The following RALGPS1 variants were observed in gnomAD, a reference collection of about 807,000 sequenced individuals.
RALGPS1 encodes ras-specific guanine nucleotide-releasing factor RalGPS1.
Under a neutral mutation model 78.8 loss-of-function variants are expected in RALGPS1, and 19 were observed. The ratio of observed to expected loss-of-function variants is 0.24; its 90% confidence interval spans 0.17 to 0.35. The LOEUF (loss-of-function observed/expected upper bound fraction) is 0.35, where lower values mean the gene tolerates loss of function less well. Among genes scored for constraint, RALGPS1 ranks in the 10% least tolerant of loss-of-function variants. The probability of loss-of-function intolerance (pLI) is 1.00; values close to 1 mark genes in which losing one functional copy is unlikely to be tolerated. For missense variants in RALGPS1, 454 were observed against 688.3 expected (o/e 0.66, Z 3.81); for synonymous variants, 228 against 256.3 (o/e 0.89, Z 1.06).
rs1055678093 is a variant in RALGPS1 at position 127,218,992 on chromosome 9, G to A, written c.*223G>A. On this transcript the variant is annotated 3_prime_UTR_variant, in exon 19 of 19. Transcript: ENST00000259351. This position sits in a 1 kb window ranked among gnomAD's most constrained non-coding sequence, Gnocchi z 4.4. ...CTCATGACACTCATTCTGCAGCACC[G>A]CCTCTTGGGGCAGTGGTCAGACCCC... The A allele has an allele frequency of 3.8e-5, 22 of 585,544 alleles. No homozygotes were observed. Among genetic ancestry groups the A allele is most frequent in the Admixed American group, 3.5e-4 (12 of 33,824 alleles). 36.3% of individuals were successfully genotyped at this position (585,544 alleles called of 1,614,324 possible). A position where few individuals can be genotyped will look rare whatever the true frequency, so the allele number is the denominator to read the frequency against.
chr9:127,204,681 C>T (rs1404488420), intron 14 of RALGPS1, among the ~76,000 whole-genome samples: 2 of 152,210 alleles, frequency 1.3e-5, no homozygotes, highest in Admixed American at 6.5e-5. Flanking sequence ...TGCTGTAGGG[C>T]GTTCAGGGAG....
chr9:127,215,848 C>A (rs537856046), intron 18 of RALGPS1, among the ~76,000 whole-genome samples: 1 of 152,356 alleles, frequency 6.6e-6, no homozygotes, highest in Admixed American at 6.5e-5. Context: ...CCCCAGGGAT[C>A]AGCCAGAGGA....
At chr9:127,216,889 T>TC in intron 18 of RALGPS1, 2 of 1,526,950 alleles carry the variant, frequency 1.3e-6, no homozygotes, top group Admixed American at 2.1e-5. Flanking sequence ...ACACTGAAGC[T>TC]CCCCTACCAC....
intron 7 of RALGPS1, 78 bp from the exon 8 acceptor site, chr9:127,069,152 T>C: frequency 9.4e-6 from 13 of 1,383,960 alleles, no homozygotes; most frequent in Non-Finnish European, 1.3e-5. Flanking sequence ...GATTTTCCCT[T>C]TTAGTCTTCA....
chr9:127,166,216 CTTG>C lies in RALGPS1; in HGVS notation c.748+16_748+18del, dbSNP rs754542454. 9.9e-6 allele frequency: 16 copies of C among 1,611,162 alleles called. No individual in the cohort carries two copies. The highest frequency in any genetic ancestry group is 4.4e-5 in the South Asian group (4 of 90,192). ...GTTTCCTGCAGCTATGGTTAGTACC[CTTG>C]TTGTTAGAATTGTGAAATCTTACGT... On this transcript the variant is annotated intron_variant, in intron 9 of 18. Coordinates refer to ENST00000259351, the MANE Select transcript of RALGPS1 (RefSeq NM_014636.3).
chr9:127,054,215 G>A (rs1343631542), intron 7 of RALGPS1, among the ~76,000 whole-genome samples: 1 of 152,212 alleles, frequency 6.6e-6, no homozygotes, highest in Non-Finnish European at 1.5e-5. Context: ...TGCCAGCCCT[G>A]TGATTCCAAG....
chr9:127,176,744 T>C (rs2059902704), intron 11 of RALGPS1, among the ~76,000 whole-genome samples: 1 of 152,218 alleles, frequency 6.6e-6, no homozygotes, highest in Admixed American at 6.5e-5. Context: ...TGCCCCTTCC[T>C]GCTGCCTGAT....
intron 1 of RALGPS1, among the ~76,000 whole-genome samples, chr9:126,922,638 A>G (rs1473902755): frequency 6.6e-6 from 1 of 152,200 alleles, no homozygotes; most frequent in Non-Finnish European, 1.5e-5. Flanking sequence ...TCAGTCCACT[A>G]GCATTTATAG....
At chr9:126,960,218 T>C (rs1588658005) in intron 1 of RALGPS1, among the ~76,000 whole-genome samples, 1 of 53,730 alleles carries the variant, frequency 1.9e-5, no homozygotes, top group Non-Finnish European at 4.0e-5. Context: ...CCTCCCTCCC[T>C]CCCTTCCTTC....
chr9:127,023,994 G>A lies in RALGPS1; in HGVS notation c.217-10437G>A, dbSNP rs193196299. On this transcript the variant is annotated intron_variant, in intron 4 of 18. Transcript: ENST00000259351. ...GGAGGTTGCAGTAAGCTGAGATCGC[G>A]CCACTGCACTCCAGCCTGGGTGACA... Among the ~76,000 whole-genome samples, 16 of 124,726 alleles carry A rather than the reference G, an allele frequency of 1.3e-4. No individual in the cohort carries two copies. In the East Asian group the frequency reaches 2.9e-3, roughly 23 times the overall value. The allele number at this position is 124,726 out of a possible 152,430, so 81.8% of individuals were successfully genotyped here. A position where few individuals can be genotyped will look rare whatever the true frequency, so the allele number is the denominator to read the frequency against.
At chr9:127,005,912 T>C (rs562967558) in intron 4 of RALGPS1, among the ~76,000 whole-genome samples, 1 of 152,312 alleles carries the variant, frequency 6.6e-6, no homozygotes, top group Non-Finnish European at 1.5e-5. Flanking sequence ...GAAGAAATGT[T>C]TGTGCAGCTT....
intron 8 of RALGPS1, among the ~76,000 whole-genome samples, chr9:127,073,537 C>T (rs2050404179): frequency 6.6e-6 from 1 of 150,914 alleles, no homozygotes; most frequent in South Asian, 2.1e-4. Flanking sequence ...TAGGTTTATT[C>T]CATATCTTGG....
chr9:127,195,364 T>C (rs2061301143), intron 12 of RALGPS1, 147 bp downstream of exon 12: 1 of 1,078,824 alleles, frequency 9.3e-7, no homozygotes, highest in African/African-American at 1.6e-5. Context: ...TCCTGGCCAG[T>C]GCGCTTTCCT....
chr9:127,134,117 G>A (rs1248624536), intron 8 of RALGPS1, among the ~76,000 whole-genome samples: 3 of 152,016 alleles, frequency 2.0e-5, no homozygotes, highest in Admixed American at 1.3e-4. Context: ...GACAGCTGCC[G>A]GCTCCTGCCT....
intron 4 of RALGPS1, among the ~76,000 whole-genome samples, chr9:126,992,065 G>A (rs2042329941): frequency 6.6e-6 from 1 of 152,148 alleles, no homozygotes; most frequent in South Asian, 2.1e-4. Flanking sequence ...GTGTAGAAAA[G>A]CATTTCCACC....
chr9:126,990,105 T>G (rs1588876002), intron 4 of RALGPS1: 1 of 1,305,636 alleles, frequency 7.7e-7, no homozygotes, highest in East Asian at 2.6e-5. Flanking sequence ...CTGTGTGTCT[T>G]TGCTGCTCCT....
intron 7 of RALGPS1, among the ~76,000 whole-genome samples, chr9:127,063,767 C>T (rs939481223): frequency 1.3e-5 from 2 of 152,192 alleles, no homozygotes; most frequent in East Asian, 3.8e-4. Context: ...GGCCTCATCA[C>T]ATAGTTTAAC....
chr9:127,094,443 T>C (rs1479439004), intron 8 of RALGPS1, among the ~76,000 whole-genome samples: 2 of 152,232 alleles, frequency 1.3e-5, no homozygotes, highest in African/African-American at 4.8e-5. Flanking sequence ...CAAGTACAGT[T>C]GGCACCCTTC....
chr9:127,176,500 A>G (rs2059885005), intron 11 of RALGPS1, among the ~76,000 whole-genome samples: 1 of 152,238 alleles, frequency 6.6e-6, no homozygotes, highest in Non-Finnish European at 1.5e-5. Flanking sequence ...AGCAAAGACT[A>G]GCCTATTGCA....
Sources: gnomAD v4.1 joint callset for allele counts (sites outside exome capture counted in the v4.1 genomes callset) on GRCh38, gnomAD v4.1.1 for gene constraint, Gnocchi (gnomAD v3.1) non-coding constraint, MANE v1.5 for transcripts, NCBI Gene and HGNC (gene_info 2026-07-23, HGNC 2026-07-21) for gene names.